JAM3: variants seen among roughly 807,000 people sequenced by gnomAD.
JAM3 encodes junctional adhesion molecule 3.
Under a neutral mutation model 39.4 loss-of-function variants are expected in JAM3, and 31 were observed. That is an observed-to-expected ratio of 0.79 (90% CI 0.59 to 1.06). JAM3 has a LOEUF of 1.06. JAM3 is among the 50% of genes least tolerant of loss of function. JAM3 has a pLI of 0.00. For synonymous variants in JAM3, 182 were observed against 148.7 expected (o/e 1.22, Z -1.63); for missense variants, 455 against 391.4 (o/e 1.16, Z -1.37).
At position 134,149,164 on chromosome 11, in the gene JAM3, T is replaced by G. The variant is rs1290310436; in HGVS notation, c.916T>G (p.Ser306Ala). 1.2e-6 allele frequency: 2 copies of G among 1,614,016 alleles called. No homozygotes were observed. The highest frequency in any genetic ancestry group is 3.3e-5 in the Admixed American group (2 of 60,022). The change falls in exon 9 of 9, where the codon TCA becomes GCA. Residue 306 changes from serine to alanine, a missense_variant. Transcript: ENST00000299106. ...TDEEGDFRHK[S>A]SFVI ...TTTGCAGGGCGACTTCAGACACAAGTCATCGTTTGTGATCTGAGACCCGCG... is the reference window on the plus strand; with the variant it reads ...TTTGCAGGGCGACTTCAGACACAAGGCATCGTTTGTGATCTGAGACCCGCG...
Position 134,150,693 on chromosome 11 carries a change from G to A in JAM3, c.*1512G>A, listed in dbSNP as rs766927744. On this transcript the variant is annotated 3_prime_UTR_variant, in exon 9 of 9. Transcript: ENST00000299106. The stretch of plus-strand genomic sequence containing the variant: ...TTTGTTAAGATTGTCTAAGGCCAAA[G>A]GCAATTGCGAAATCAAGTCTGTCAA... 12 of 151,948 alleles carry A rather than the reference G, an allele frequency of 7.9e-5. No homozygotes were observed. Among genetic ancestry groups the A allele is most frequent in the African/African-American group, 1.9e-4 (8 of 41,354 alleles). 9.4% of individuals were successfully genotyped at this position (151,948 alleles called of 1,614,324 possible).
chr11:134,077,754 C>T (rs1273814309), intron 1 of JAM3, among the ~76,000 whole-genome samples: 1 of 144,832 alleles, frequency 6.9e-6, no homozygotes, highest in African/African-American at 2.6e-5. Flanking sequence ...TCAAGTGATT[C>T]TCCTGCCTCA....
At chr11:134,082,745 A>G (rs1260871465) in intron 1 of JAM3, among the ~76,000 whole-genome samples, 1 of 152,194 alleles carries the variant, frequency 6.6e-6, no homozygotes. Flanking sequence ...AAAATGGACT[A>G]ATACAATGCA....
At chr11:134,095,168 AC>A (rs1027438584) in intron 1 of JAM3, among the ~76,000 whole-genome samples, 5 of 152,220 alleles carry the variant, frequency 3.3e-5, no homozygotes, top group African/African-American at 7.2e-5. Flanking sequence ...GAGAAAGTAA[AC>A]CAGCATTGTT....
chr11:134,143,875 A>G (rs1039432473), intron 3 of JAM3, among the ~76,000 whole-genome samples: 5 of 152,224 alleles, frequency 3.3e-5, no homozygotes, highest in Non-Finnish European at 7.3e-5. Context: ...GCAAGTGGAT[A>G]TCAAGTTATC....
intron 1 of JAM3, among the ~76,000 whole-genome samples, chr11:134,084,818 C>T (rs572229128): frequency 4.2e-4 from 64 of 152,352 alleles, no homozygotes; most frequent in African/African-American, 1.2e-3. Flanking sequence ...GCTTTAGCTA[C>T]GGTCAGTTAA....
chr11:134,130,445 A>T (rs988368844), intron 1 of JAM3, among the ~76,000 whole-genome samples: 1 of 149,716 alleles, frequency 6.7e-6, no homozygotes. Flanking sequence ...AAGAATTACT[A>T]AAAAAAAAAT....
intron 1 of JAM3, among the ~76,000 whole-genome samples, chr11:134,087,328 A>T (rs1253266520): frequency 6.6e-6 from 1 of 152,190 alleles, no homozygotes; most frequent in Non-Finnish European, 1.5e-5. Context: ...AGAATCAGAG[A>T]GTATATATTT....
intron 1 of JAM3, among the ~76,000 whole-genome samples, chr11:134,129,395 C>T (rs1021985799): frequency 6.6e-6 from 1 of 152,088 alleles, no homozygotes; most frequent in East Asian, 1.9e-4. Context: ...GGATTACAGG[C>T]GTGAGCTACT....
intron 1 of JAM3, among the ~76,000 whole-genome samples, chr11:134,092,676 G>A (rs1221909861): frequency 1.6e-5 from 2 of 123,432 alleles, no homozygotes; most frequent in Non-Finnish European, 3.4e-5. Flanking sequence ...CCTGAGGGAA[G>A]CTTCTCCTGA....
intron 1 of JAM3, among the ~76,000 whole-genome samples, chr11:134,119,000 C>G (rs1407813737): frequency 4.2e-5 from 6 of 141,276 alleles, no homozygotes; most frequent in Non-Finnish European, 7.5e-5. Context: ...CAGAGTCTTG[C>G]TTTTGTTGCT....
intron 3 of JAM3, among the ~76,000 whole-genome samples, chr11:134,143,999 A>G (rs1943022539): frequency 6.6e-6 from 1 of 152,078 alleles, no homozygotes; most frequent in Non-Finnish European, 1.5e-5. Flanking sequence ...TTAATGACGG[A>G]GACACATGGT....
At position 134,139,914 on chromosome 11, in the gene JAM3, AAAGT is replaced by A. The variant is rs776667136; in HGVS notation, c.142+4_142+7del. On this transcript the variant is annotated splice_donor_variant and coding_sequence_variant, in exon 2 of 9. Coordinates refer to ENST00000299106, the MANE Select transcript of JAM3 (RefSeq NM_032801.5). LOFTEE classifies it high-confidence loss of function. ...CGAACCCCAGTGGTACAGGAATTTG[AAAGT>A]AAGTACAAACGAAATGCCTAGGATA... is the stretch of plus-strand genomic sequence containing the variant. The A allele has an allele frequency of 2.5e-6, 4 of 1,612,308 alleles. No homozygotes were observed. The highest frequency in any genetic ancestry group is 2.7e-5 in the African/African-American group (2 of 74,896).
At chr11:134,079,037 TACAAA>T (rs1025560106) in intron 1 of JAM3, among the ~76,000 whole-genome samples, 1 of 150,298 alleles carries the variant, frequency 6.7e-6, no homozygotes, top group African/African-American at 2.5e-5. Flanking sequence ...GAAACTCTGT[TACAAA>T]ACAAAACAGA....
At chr11:134,093,512 G>A (rs1941914585) in intron 1 of JAM3, among the ~76,000 whole-genome samples, 1 of 131,694 alleles carries the variant, frequency 7.6e-6, no homozygotes, top group Non-Finnish European at 1.6e-5. Flanking sequence ...CTCCCTGAGG[G>A]AAGCTTCTCC....
chr11:134,096,671 C>T lies in JAM3; in HGVS notation c.76+27512C>T, dbSNP rs117984295. On this transcript the variant is annotated intron_variant, in intron 1 of 8. Coordinates refer to ENST00000299106, the MANE Select transcript of JAM3 (RefSeq NM_032801.5). ...GCTAGTTCTGCATTTTCCCTTCCTG[C>T]AAGCAAGGAATGGTTTTCTTTTGAC... Among the ~76,000 whole-genome samples the T allele has an allele frequency of 7.0e-4, 107 of 152,332 alleles. 1 individual carries two copies. The East Asian group carries it at 0.018, about 26-fold the overall frequency.
Position 134,118,629 on chromosome 11 carries a change from C to T in JAM3, c.77-21222C>T, listed in dbSNP as rs573781215. On this transcript the variant is annotated intron_variant, in intron 1 of 8. Transcript: ENST00000299106. ...CTCTGCTGCCTTCACCCTGCCTTTA[C>T]TCTTCCTCCTCTCTCCCTGCCACCA... Among the ~76,000 whole-genome samples the T allele has an allele frequency of 1.9e-3, 292 of 152,280 alleles. 1 individual carries two copies. The highest frequency in any genetic ancestry group is 6.6e-3 in the African/African-American group (274 of 41,546).
In JAM3 at chr11:134,149,274, C is replaced by A; in HGVS notation, c.*93C>A. The A allele has an allele frequency of 7.0e-7, 1 of 1,434,796 alleles. No individual in the cohort carries two copies. Among genetic ancestry groups the A allele is most frequent in the Non-Finnish European group, 9.8e-7 (1 of 1,024,758 alleles). 88.9% of individuals were successfully genotyped at this position (1,434,796 alleles called of 1,614,324 possible). ...GGCAGCGAGAGCTGATGCACTCGGA[C>A]AGAGCTAGACACTCATTCAGAAGCT... is the stretch of plus-strand genomic sequence containing the variant. On this transcript the variant is annotated 3_prime_UTR_variant, in exon 9 of 9. Transcript: ENST00000299106.
chr11:134,085,674 T>G (rs900059920), intron 1 of JAM3, among the ~76,000 whole-genome samples: 2 of 152,238 alleles, frequency 1.3e-5, no homozygotes, highest in Non-Finnish European at 2.9e-5. Flanking sequence ...ATTTAAATCT[T>G]TAATGGCAAT....
Sources: gnomAD v4.1 joint callset for allele counts (sites outside exome capture counted in the v4.1 genomes callset) on GRCh38, gnomAD v4.1.1 for gene constraint, MANE v1.5 for transcripts, NCBI Gene and HGNC (gene_info 2026-07-23, HGNC 2026-07-21) for gene names.